The following TMEM87A variants were observed in gnomAD, a reference collection of about 807,000 sequenced individuals.
TMEM87A encodes the protein transmembrane protein 87A.
TMEM87A carries 50 observed loss-of-function variants against 90.0 expected under a neutral mutation model. The ratio of observed to expected loss-of-function variants is 0.56; its 90% CI spans 0.44 to 0.70. The LOEUF (loss-of-function observed/expected upper bound fraction) is 0.70. TMEM87A is among the 30% of genes least tolerant of loss of function. TMEM87A has a pLI of 0.00. For synonymous variants in TMEM87A, 226 were observed against 226.7 expected (o/e 1.00, Z 0.03); for missense variants, 577 against 660.5 (o/e 0.87, Z 1.39).
chr15:42,214,822 C>G (rs618161), intron 19 of TMEM87A, among the ~76,000 whole-genome samples: 12,023 of 152,190 alleles, frequency 0.079, 1,284 homozygotes, highest in African/African-American at 0.23. Flanking sequence ...AAGCACAAAA[C>G]AAGAGCAAAA....
Position 42,244,153 on chromosome 15 carries a change from T to C in TMEM87A, c.519A>G (p.Pro173=), listed in dbSNP as rs754585843. 3 of 1,565,710 alleles carry C rather than the reference T, an allele frequency of 1.9e-6. No homozygotes were observed. The highest frequency in any genetic ancestry group is 2.6e-6 in the Non-Finnish European group (3 of 1,163,846). ...FIGDKTAMHE[P]LQTWQDAPYI... ...ATGGTGCATCTTGCCAAGTTTGCAA[T>C]GGTTCATGCATTGCCTAGAAAGGGA... The change falls in exon 7 of 20, where the codon CCA becomes CCG. Residue 173 remains proline (P), a synonymous_variant. Transcript: ENST00000389834.
At position 42,263,931 on chromosome 15, in the gene TMEM87A, T is replaced by G. The variant is rs139191719; in HGVS notation, c.405+159A>C. On this transcript the variant is annotated intron_variant, in intron 4 of 19. Coordinates refer to ENST00000389834, the MANE Select transcript of TMEM87A (RefSeq NM_015497.5). ...AAAGCAAAGTACAACCTCTCTTTGA[T>G]GAGTATGTATAAGTGGCTGACTATG... 6.3e-4 allele frequency among the ~76,000 whole-genome samples: 96 copies of G among 152,342 alleles called. 1 individual carries two copies. In the East Asian group the frequency reaches 0.018, roughly 29 times the overall value.
chr15:42,218,025 G>A lies in TMEM87A; in HGVS notation c.1596-192C>T, dbSNP rs1437857184. 5.2e-5 allele frequency: 34 copies of A among 651,286 alleles called. No individual in the cohort carries two copies. In the Admixed American group the frequency reaches 5.4e-4, roughly 10 times the overall value. The allele number at this position is 651,286 out of a possible 1,614,324, so 40.3% of individuals were successfully genotyped here. ...TACAGAAATTGTATAGAAAAAAAAC[G>A]TATTTTGCAATGCAACAGGACCAAT... On this transcript the variant is annotated intron_variant, in intron 18 of 19. Transcript: ENST00000389834.
intron 8 of TMEM87A, 49 bp from the exon 9 acceptor site, chr15:42,237,664 C>A: frequency 7.0e-7 from 1 of 1,433,426 alleles, no homozygotes; most frequent in South Asian, 1.5e-5. Context: ...GGGCCAAGAG[C>A]CAAGTCTGTA....
intron 6 of TMEM87A, 92 bp downstream of exon 6, chr15:42,260,866 A>G: frequency 7.3e-7 from 1 of 1,377,044 alleles, no homozygotes; most frequent in Non-Finnish European, 1.0e-6. Context: ...CTTTTCAAAT[A>G]TTAGCATAGT....
intron 12 of TMEM87A, among the ~76,000 whole-genome samples, chr15:42,229,235 C>G (rs1020882933): frequency 6.6e-6 from 1 of 151,988 alleles, no homozygotes. Flanking sequence ...AACTCCTGAC[C>G]TCAACTGATC....
chr15:42,255,746 A>G (rs2051166484), intron 6 of TMEM87A, among the ~76,000 whole-genome samples: 1 of 151,822 alleles, frequency 6.6e-6, no homozygotes, highest in Non-Finnish European at 1.5e-5. Context: ...CATGCAGAGG[A>G]CCTTTCTTCC....
rs2051602609 is a variant in TMEM87A, at chr15:42,273,370, A to G, written c.29T>C (p.Leu10Ser). The change falls in exon 1 of 20, where the codon TTG (leucine) becomes TCG (serine). Residue 10 changes from leucine (L) to serine (S), a missense_variant. Transcript: ENST00000389834. ...TCCCAGAAGCAGAAGAATGACAGGC[A>G]ACACCTGAAGCCACGCAGCCGCCGC... Reference protein sequence around the residue: MAAAAWLQVLPVILLLLGAH... With the variant: MAAAAWLQVSPVILLLLGAH... 2 of 1,613,958 alleles carry G rather than the reference A, an allele frequency of 1.2e-6. No individual in the cohort carries two copies. The highest frequency in any genetic ancestry group is 1.1e-5 in the South Asian group (1 of 91,082).
chr15:42,238,199 C>T (rs2050810382), intron 8 of TMEM87A, among the ~76,000 whole-genome samples: 2 of 152,028 alleles, frequency 1.3e-5, no homozygotes, highest in South Asian at 4.1e-4. Flanking sequence ...TTTGGGAAGC[C>T]GAGGCAGGAG....
chr15:42,273,562 C>A, upstream of TMEM87A: 5 of 1,254,102 alleles, frequency 4.0e-6, no homozygotes, highest in Non-Finnish European at 5.4e-6. Context: ...GTCGTCTGTG[C>A]GCCGTGAGAC....
intron 11 of TMEM87A, chr15:42,232,856 G>A (rs2050708765): frequency 6.3e-6 from 1 of 159,938 alleles, no homozygotes; most frequent in Non-Finnish European, 1.4e-5. Flanking sequence ...AGATTAACTA[G>A]TAAGTGTATG....
intron 3 of TMEM87A, 38 bp from the exon 4 acceptor site, chr15:42,264,241 T>C: frequency 7.0e-7 from 1 of 1,437,842 alleles, no homozygotes; most frequent in Non-Finnish European, 9.7e-7. Context: ...TAACTCACCT[T>C]CCAAAAAATA....
In TMEM87A at chr15:42,211,521, T is replaced by C; in HGVS notation, c.*187A>G. ...AAGCTCGTAGATTTTTCTCATCTTATGAACTTGTTTTCAGTAAGATGTTCT... is the reference window on the plus strand; with the variant it reads ...AAGCTCGTAGATTTTTCTCATCTTACGAACTTGTTTTCAGTAAGATGTTCT... On this transcript the variant is annotated 3_prime_UTR_variant, in exon 20 of 20. Transcript: ENST00000389834. The C allele has an allele frequency of 3.5e-6, 2 of 568,224 alleles. No individual in the cohort carries two copies. Among genetic ancestry groups the C allele is most frequent in the East Asian group, 5.6e-5 (2 of 35,892 alleles). 35.2% of individuals were successfully genotyped at this position (568,224 alleles called of 1,614,324 possible).
chr15:42,264,566 G>T (rs2051360257), intron 3 of TMEM87A, among the ~76,000 whole-genome samples: 1 of 151,482 alleles, frequency 6.6e-6, no homozygotes, highest in Non-Finnish European at 1.5e-5. Context: ...CTAAGATAGA[G>T]CAGAAAATTG....
rs780358896 is a variant in TMEM87A at position 42,217,839 on chromosome 15, AAGAG to A, written c.1596-10_1596-7del. ...CCAGAAGGGCTGGAAGTGCTCTGCA[AAGAG>A]AGAGAAATACTAAATTGAACAATGT... is the stretch of plus-strand genomic sequence containing the variant. On this transcript the variant is annotated splice_polypyrimidine_tract_variant and splice_region_variant and intron_variant, in intron 18 of 19. Transcript: ENST00000389834. 2 of 1,612,286 alleles carry A rather than the reference AAGAG, an allele frequency of 1.2e-6. No individual in the cohort carries two copies. The highest frequency in any genetic ancestry group is 1.7e-6 in the Non-Finnish European group (2 of 1,179,502).
At chr15:42,219,958 A>T in intron 16 of TMEM87A, 104 bp downstream of exon 16, 1 of 1,117,256 alleles carries the variant, frequency 9.0e-7, no homozygotes, top group South Asian at 1.7e-5. Flanking sequence ...CCCTGACTTC[A>T]TCCCACACCA....
At position 42,228,692 on chromosome 15, in the gene TMEM87A, G is replaced by A; in HGVS notation, c.1240+20C>T. Reference sequence around the variant, plus strand: ...TAAACAGATCACATTTGAACTCCAAGAAGAAAGTCCCAGACTTACCTGCCA... The same window carrying A: ...TAAACAGATCACATTTGAACTCCAAAAAGAAAGTCCCAGACTTACCTGCCA... On this transcript the variant is annotated intron_variant, in intron 13 of 19. Transcript: ENST00000389834. 1.3e-6 allele frequency: 2 copies of A among 1,599,990 alleles called. No homozygotes were observed. Among genetic ancestry groups the A allele is most frequent in the East Asian group, 4.5e-5 (2 of 44,800 alleles).
rs553991140 is a variant in TMEM87A at position 42,265,146 on chromosome 15, T to C, written c.292-943A>G. The stretch of plus-strand genomic sequence containing the variant: ...TAGGTTGATTCCATGTCTTTGCTAT[T>C]GTAAACAGTGCTGCAGTGAACATAT... On this transcript the variant is annotated intron_variant, in intron 3 of 19. Transcript: ENST00000389834. Among the ~76,000 whole-genome samples, 8 of 152,368 alleles carry C rather than the reference T, an allele frequency of 5.3e-5. 1 individual carries two copies. The South Asian group carries it at 1.4e-3, about 28-fold the overall frequency.
At chr15:42,271,264 C>G (rs1458550413) in intron 2 of TMEM87A, among the ~76,000 whole-genome samples, 1 of 152,204 alleles carries the variant, frequency 6.6e-6, no homozygotes, top group Non-Finnish European at 1.5e-5. Flanking sequence ...CAGTAAAATA[C>G]TCCTTTTGTA....
Sources: gnomAD v4.1 joint callset for allele counts (sites outside exome capture counted in the v4.1 genomes callset) on GRCh38, gnomAD v4.1.1 for gene constraint, MANE v1.5 for transcripts, NCBI Gene and HGNC (gene_info 2026-07-23, HGNC 2026-07-21) for gene names.